PCCA: variants seen among roughly 807,000 people sequenced by gnomAD.
The protein encoded by PCCA is propionyl-CoA carboxylase subunit alpha.
Under a neutral mutation model 101.3 loss-of-function variants are expected in PCCA, and 74 were observed. The observed-to-expected ratio is 0.73, with a 90% CI of 0.61 to 0.89. PCCA has a LOEUF of 0.89. PCCA is among the 40% of genes least tolerant of loss of function. The pLI, the probability that PCCA is intolerant of heterozygous loss-of-function variation, is 0.00. For missense variants in PCCA, 891 were observed against 907.0 expected, an observed-to-expected ratio of 0.98 and a Z score of 0.23; for synonymous variants, 294 against 313.6, an observed-to-expected ratio of 0.94 and a Z score of 0.66.
rs952487608 is a variant in PCCA at position 100,394,526 on chromosome 13, T to C, written c.1746+25952T>C. Among the ~76,000 whole-genome samples, 3 of 152,146 alleles carry C rather than the reference T, an allele frequency of 2.0e-5. No homozygotes were observed. The highest frequency in any genetic ancestry group is 7.2e-5 in the African/African-American group (3 of 41,436). On this transcript the variant is annotated intron_variant, in intron 19 of 23. Coordinates refer to ENST00000376285, the MANE Select transcript of PCCA (RefSeq NM_000282.4). The surrounding 1 kb of genome is among the most constrained non-coding windows in gnomAD (Gnocchi z 4.3). The stretch of plus-strand genomic sequence containing the variant: ...TGAAAATAGGCGTAAACTTGAGTAA[T>C]TCCCTAAACCCAAAATATAAGATAG...
At chr13:100,328,022 G>A (rs1032985267) in intron 16 of PCCA, among the ~76,000 whole-genome samples, 8 of 152,058 alleles carry the variant, frequency 5.3e-5, no homozygotes, top group Admixed American at 4.6e-4. Flanking sequence ...CCAGGAGTTC[G>A]AGACCAGCCT....
chr13:100,150,392 A>AT (rs1456125088), intron 4 of PCCA: 1 of 293,408 alleles, frequency 3.4e-6, no homozygotes, highest in Non-Finnish European at 5.6e-6. Flanking sequence ...TATTTTTATT[A>AT]TTTTTAATAT....
At chr13:100,457,279 C>T (rs2081812457) in intron 21 of PCCA, among the ~76,000 whole-genome samples, 1 of 152,158 alleles carries the variant, frequency 6.6e-6, no homozygotes, top group African/African-American at 2.4e-5. Context: ...CCTTCAGTCT[C>T]TTGCCTCGGC....
Position 100,411,090 on chromosome 13 carries a change from AT to A in PCCA, c.1747-14533del, listed in dbSNP as rs961945857. On this transcript the variant is annotated intron_variant, in intron 19 of 23. Coordinates refer to ENST00000376285, the MANE Select transcript of PCCA (RefSeq NM_000282.4). ...GAATCAGAGGTATCAATGTGAAGTC[AT>A]TTTTTTTTTAATCAGTAGACACAGA... is the stretch of plus-strand genomic sequence containing the variant. Among the ~76,000 whole-genome samples, 475 of 149,844 alleles carry A rather than the reference AT, an allele frequency of 3.2e-3. 1 individual carries two copies. Among genetic ancestry groups the A allele is most frequent in the African/African-American group, 0.01 (417 of 40,912 alleles).
chr13:100,449,676 G>C (rs1359744028), intron 21 of PCCA, among the ~76,000 whole-genome samples: 1 of 152,128 alleles, frequency 6.6e-6, no homozygotes, highest in African/African-American at 2.4e-5. Context: ...TTTTTCTAAA[G>C]ATGAGGTTTC....
intron 6 of PCCA, among the ~76,000 whole-genome samples, chr13:100,189,396 A>G (rs2057577084): frequency 6.6e-6 from 1 of 152,186 alleles, no homozygotes; most frequent in South Asian, 2.1e-4. Context: ...TCCTTTGAGT[A>G]TATGCCCAGT....
At chr13:100,511,578 GA>G (rs2086481210) in intron 21 of PCCA, among the ~76,000 whole-genome samples, 1 of 152,214 alleles carries the variant, frequency 6.6e-6, no homozygotes, top group South Asian at 2.1e-4. Context: ...GCCAACAGTT[GA>G]GGACATGAAA....
chr13:100,495,055 G>T (rs957089978), intron 21 of PCCA, among the ~76,000 whole-genome samples: 11 of 151,714 alleles, frequency 7.3e-5, no homozygotes, highest in African/African-American at 1.2e-4. Context: ...TATTGCCCCC[G>T]GGCATATTCG....
intron 19 of PCCA, among the ~76,000 whole-genome samples, chr13:100,376,465 A>G (rs577053626): frequency 6.0e-4 from 91 of 152,278 alleles, no homozygotes; most frequent in African/African-American, 1.9e-3. Flanking sequence ...CCCTTCCCCC[A>G]GGTACTCTGT....
At chr13:100,443,575 A>G (rs1392157876) in intron 20 of PCCA, among the ~76,000 whole-genome samples, 1 of 152,130 alleles carries the variant, frequency 6.6e-6, no homozygotes, top group Admixed American at 6.5e-5. Flanking sequence ...TGCCATGTAT[A>G]GCTGCTTTTG....
At chr13:100,169,707 T>G (rs2055436175) in intron 6 of PCCA, among the ~76,000 whole-genome samples, 1 of 150,136 alleles carries the variant, frequency 6.7e-6, no homozygotes, top group African/African-American at 2.4e-5. Flanking sequence ...TCTGTATTTT[T>G]TTTTTTTTTT....
intron 21 of PCCA, among the ~76,000 whole-genome samples, chr13:100,499,905 G>T (rs878944579): frequency 7.1e-6 from 1 of 141,096 alleles, no homozygotes; most frequent in African/African-American, 2.5e-5. Flanking sequence ...CATTTTATTG[G>T]CCACAGTTTT....
chr13:100,489,294 C>T (rs150404677), intron 21 of PCCA, among the ~76,000 whole-genome samples: 2 of 151,172 alleles, frequency 1.3e-5, no homozygotes, highest in African/African-American at 2.5e-5. Context: ...GGCGACAGAG[C>T]GAGACTCCGT....
At chr13:100,512,887 G>A (rs2086586668) in intron 21 of PCCA, among the ~76,000 whole-genome samples, 1 of 152,224 alleles carries the variant, frequency 6.6e-6, no homozygotes, top group Non-Finnish European at 1.5e-5. Flanking sequence ...GGTCCAGGTA[G>A]GGGCACATTC....
intron 21 of PCCA, among the ~76,000 whole-genome samples, chr13:100,512,322 C>T (rs937329333): frequency 1.3e-5 from 2 of 152,082 alleles, no homozygotes; most frequent in African/African-American, 4.8e-5. Flanking sequence ...AATTAATTTG[C>T]TTAGAGACCC....
chr13:100,420,403 T>A (rs920001478), intron 19 of PCCA, among the ~76,000 whole-genome samples: 1 of 152,030 alleles, frequency 6.6e-6, no homozygotes, highest in Non-Finnish European at 1.5e-5. Context: ...TGAGAACCTG[T>A]CTCTCCAAAA....
rs1272228300 is a variant in PCCA at position 100,315,928 on chromosome 13, G to A, written c.1429+6020G>A. ...ATTTAAACAAGGATCTGTTCAAATA[G>A]TGTTGTCTTTCCTGGGATGTGAAAA... On this transcript the variant is annotated intron_variant, in intron 16 of 23. Transcript: ENST00000376285. Among the ~76,000 whole-genome samples, 5 of 152,300 alleles carry A rather than the reference G, an allele frequency of 3.3e-5. No homozygotes were observed. The South Asian group carries it at 6.2e-4, about 19-fold the overall frequency.
intron 20 of PCCA, among the ~76,000 whole-genome samples, chr13:100,447,269 A>G (rs757737439): frequency 9.9e-5 from 15 of 152,034 alleles, no homozygotes; most frequent in Non-Finnish European, 1.6e-4. Flanking sequence ...CTATAGTCCC[A>G]GCTACTTGGG....
intron 20 of PCCA, among the ~76,000 whole-genome samples, chr13:100,442,998 G>A (rs1425900514): frequency 6.6e-6 from 1 of 152,144 alleles, no homozygotes; most frequent in Non-Finnish European, 1.5e-5. Flanking sequence ...GTTTTGTTTT[G>A]TGTTGTTTCT....
Sources: allele counts gnomAD v4.1 joint callset (sites outside exome capture counted in the v4.1 genomes callset), GRCh38; gene constraint gnomAD v4.1.1; non-coding constraint Gnocchi (gnomAD v3.1); transcripts MANE v1.5; gene names NCBI Gene and HGNC (gene_info 2026-07-23, HGNC 2026-07-21).